CRHR2: variants seen among roughly 807,000 people sequenced by gnomAD.
CRHR2 encodes corticotropin releasing hormone receptor 2, also known as corticotropin-releasing hormone receptor 2.
CRHR2 carries 53 observed loss-of-function variants against 57.9 expected under a neutral mutation model. The observed-to-expected ratio is 0.92, with a 90% CI of 0.73 to 1.15. CRHR2 has a LOEUF of 1.15. Ranked by LOEUF, CRHR2 falls within the 50% of genes most tolerant of loss-of-function variation. The probability of loss-of-function intolerance (pLI) is 0.00; values close to 1 mark genes in which losing one functional copy is unlikely to be tolerated. For missense variants in CRHR2, 532 were observed against 542.6 expected, an observed-to-expected ratio of 0.98 and a Z score of 0.19; for synonymous variants, 213 against 220.9, an observed-to-expected ratio of 0.96 and a Z score of 0.32.
upstream of CRHR2, chr7:30,686,504 T>C: frequency 6.6e-7 from 1 of 1,509,214 alleles, no homozygotes; most frequent in Non-Finnish European, 8.8e-7. Context: ...TTTCAAGGTA[T>C]CTTTGAATCC....
At chr7:30,658,183 C>T (rs534729667) in intron 8 of CRHR2, among the ~76,000 whole-genome samples, 1 of 152,340 alleles carries the variant, frequency 6.6e-6, no homozygotes, top group African/African-American at 2.4e-5. Context: ...TCTGGTCACC[C>T]TGCCCACACT....
chr7:30,671,704 G>A (rs1784358654), intron 2 of CRHR2, among the ~76,000 whole-genome samples: 1 of 151,878 alleles, frequency 6.6e-6, no homozygotes, highest in African/African-American at 2.4e-5. Context: ...CTACTCAGAA[G>A]GCTGAAGTGA....
At chr7:30,669,428 G>A (rs572378000) in intron 2 of CRHR2, among the ~76,000 whole-genome samples, 3 of 152,270 alleles carry the variant, frequency 2.0e-5, no homozygotes, top group East Asian at 1.9e-4. Context: ...CTTGTTTCCC[G>A]AATATGATAT....
chr7:30,682,015 G>A lies in CRHR2; in HGVS notation c.129C>T (p.Thr43=), dbSNP rs1296796324. The A allele has an allele frequency of 1.2e-6, 2 of 1,600,278 alleles. No individual in the cohort carries two copies. The highest frequency in any genetic ancestry group is 1.7e-5 in the Admixed American group (1 of 57,588). ...GCCAGCACGTTCCGATCTGGTCCAA[G>A]GTCGTGTTGCAGTAGGAGTAGGGAC... ...PEGPYSYCNT[T]LDQIGTCWPR... The change falls in exon 2 of 12, where the codon ACC becomes ACT. Residue 43 remains threonine, a synonymous_variant. Transcript: ENST00000471646.
At chr7:30,668,329 C>G (rs1387738276) in intron 2 of CRHR2, among the ~76,000 whole-genome samples, 1 of 152,042 alleles carries the variant, frequency 6.6e-6, no homozygotes, top group Non-Finnish European at 1.5e-5. Context: ...GCTCTCGAAG[C>G]CTGCCTCTGC....
intron 2 of CRHR2, among the ~76,000 whole-genome samples, chr7:30,677,539 A>T (rs1318177144): frequency 6.6e-6 from 1 of 152,166 alleles, no homozygotes; most frequent in Non-Finnish European, 1.5e-5. Context: ...GCCACCCAGG[A>T]TTTGAACCTG....
intron 1 of CRHR2, among the ~76,000 whole-genome samples, chr7:30,694,425 C>T (rs547840630): frequency 9.8e-5 from 15 of 152,330 alleles, no homozygotes; most frequent in African/African-American, 2.6e-4. Flanking sequence ...AACCTGTGCC[C>T]GGGGCCCCGA....
At chr7:30,661,783 G>A (rs1481113962) in intron 7 of CRHR2, among the ~76,000 whole-genome samples, 2 of 152,168 alleles carry the variant, frequency 1.3e-5, no homozygotes, top group Admixed American at 6.5e-5. Context: ...AAATGCTCAT[G>A]GACTCTTTAA....
chr7:30,692,687 T>C (rs1266858544), intron 1 of CRHR2, among the ~76,000 whole-genome samples: 1 of 152,210 alleles, frequency 6.6e-6, no homozygotes, highest in Non-Finnish European at 1.5e-5. Context: ...GGGAGGCTTC[T>C]TTCACGTGAA....
upstream of CRHR2, chr7:30,682,830 C>T (rs1473260954): frequency 1.3e-5 from 2 of 152,506 alleles, no homozygotes; most frequent in African/African-American, 4.8e-5. Flanking sequence ...CAGCTTTCCG[C>T]CTGAGCTTCC....
intron 2 of CRHR2, among the ~76,000 whole-genome samples, chr7:30,672,345 G>T (rs2284216): frequency 0.12 from 18,258 of 152,240 alleles, 1,238 homozygotes; most frequent in South Asian, 0.2. Context: ...CTCTGGAGCA[G>T]AAGTTTACCT....
rs186683110 is a variant in CRHR2, at chr7:30,670,646, A to C, written c.230-3333T>G. On this transcript the variant is annotated intron_variant, in intron 2 of 11. Coordinates refer to ENST00000471646, the MANE Select transcript of CRHR2 (RefSeq NM_001883.5). ...GCTGTCTGCTGTGGCCAATGAGGGC[A>C]CTGGGCCCTCAGGCACAGCCTCGGA... 1.1e-3 allele frequency among the ~76,000 whole-genome samples: 169 copies of C among 152,356 alleles called. 1 individual carries two copies. The highest frequency in any genetic ancestry group is 3.6e-3 in the African/African-American group (150 of 41,584).
chr7:30,656,165 C>T lies in CRHR2; in HGVS notation c.832-153G>A, dbSNP rs1479199237. Among the ~76,000 whole-genome samples, 1 of 152,112 alleles carries T rather than the reference C, an allele frequency of 6.6e-6. No individual in the cohort carries two copies. The highest frequency in any genetic ancestry group is 2.4e-5 in the African/African-American group (1 of 41,422). On this transcript the variant is annotated intron_variant, in intron 8 of 11. Coordinates refer to ENST00000471646, the MANE Select transcript of CRHR2 (RefSeq NM_001883.5). The surrounding 1 kb of genome is among the most constrained non-coding windows in gnomAD (Gnocchi z 4.4). ...GTCCCCCTAGCACCTGCCAGCATCC[C>T]AAGGCCTGTGCTCCTCCCTCGCCAG...
chr7:30,700,033 T>C, exon 1 of CRHR2: 1 of 1,405,022 alleles, frequency 7.1e-7, no homozygotes, highest in Non-Finnish European at 9.3e-7. Flanking sequence ...GGACCCCTCA[T>C]GCCAGTAGTG....
chr7:30,675,346 G>A (rs1335749986), intron 2 of CRHR2, among the ~76,000 whole-genome samples: 2 of 152,240 alleles, frequency 1.3e-5, no homozygotes, highest in African/African-American at 4.8e-5. Flanking sequence ...CACAGGGAAG[G>A]ATGCTGGGAC....
At position 30,665,729 on chromosome 7, in the gene CRHR2, G is replaced by T; in HGVS notation, c.316-90C>A. ...CCAGCCGTGGCCACCTCTGTGTCCT[G>T]ACCTTGGGGGCAGAAGTGCTCCAGG... On this transcript the variant is annotated intron_variant, in intron 3 of 11. Transcript: ENST00000471646. The surrounding 1 kb of genome is among the most constrained non-coding windows in gnomAD (Gnocchi z 4.5). The T allele has an allele frequency of 9.3e-7, 1 of 1,071,984 alleles. No individual in the cohort carries two copies. Among genetic ancestry groups the T allele is most frequent in the South Asian group, 1.5e-5 (1 of 66,822 alleles). The allele number at this position is 1,071,984 out of a possible 1,614,324, so 66.4% of individuals were successfully genotyped here.
intron 8 of CRHR2, 55 bp downstream of exon 8, chr7:30,660,518 C>T: frequency 6.6e-7 from 1 of 1,524,814 alleles, no homozygotes; most frequent in Non-Finnish European, 8.9e-7. Context: ...CCTGGGTGGG[C>T]CCTCTTCTGT....
Position 30,698,862 on chromosome 7 carries a change from G to T in CRHR2, c.-261+1082C>A, listed in dbSNP as rs57602790. 5.2e-3 allele frequency among the ~76,000 whole-genome samples: 786 copies of T among 152,294 alleles called. 10 individuals carry two copies. Among genetic ancestry groups the T allele is most frequent in the African/African-American group, 0.018 (737 of 41,554 alleles). ...AAGCTTGTTCAGTAAGCACCGTTGT[G>T]ATCCTCATTTTACTGATGAGGAAAC... On this transcript the variant is annotated intron_variant, in intron 1 of 13. Coordinates refer to the CRHR2 transcript ENST00000341843.
At chr7:30,692,472 C>G (rs752679456) in intron 1 of CRHR2, among the ~76,000 whole-genome samples, 1 of 152,188 alleles carries the variant, frequency 6.6e-6, no homozygotes, top group Non-Finnish European at 1.5e-5. Context: ...AACCGAAGGC[C>G]GTTCGGCGAA....
Sources: allele counts gnomAD v4.1 joint callset (sites outside exome capture counted in the v4.1 genomes callset), GRCh38; gene constraint gnomAD v4.1.1; non-coding constraint Gnocchi (gnomAD v3.1); transcripts MANE v1.5; gene names NCBI Gene and HGNC (gene_info 2026-07-23, HGNC 2026-07-21).